PCBP3: variants seen among roughly 807,000 people sequenced by gnomAD.
The protein encoded by PCBP3 is poly(rC) binding protein 3.
Under a neutral mutation model 52.7 loss-of-function variants are expected in PCBP3, and 25 were observed. That is an observed-to-expected ratio of 0.47 (90% CI 0.35 to 0.66). The LOEUF (loss-of-function observed/expected upper bound fraction) is 0.66. PCBP3 is among the 30% of genes least tolerant of loss of function. The pLI, the probability that PCBP3 is intolerant of heterozygous loss-of-function variation, is 0.01. For missense variants in PCBP3, 391 were observed against 490.3 expected, an observed-to-expected ratio of 0.80 and a Z score of 1.91; for synonymous variants, 162 against 183.0, an observed-to-expected ratio of 0.89 and a Z score of 0.93.
intron 5 of PCBP3, among the ~76,000 whole-genome samples, chr21:45,850,565 T>C (rs1226094991): frequency 1.3e-5 from 2 of 152,318 alleles, no homozygotes; most frequent in Non-Finnish European, 1.5e-5. Flanking sequence ...TACCATGAAC[T>C]TCTGTTGATA....
At chr21:45,923,780 T>TCGAG (rs1569501757) in intron 13 of PCBP3, among the ~76,000 whole-genome samples, 1 of 151,884 alleles carries the variant, frequency 6.6e-6, no homozygotes, top group African/African-American at 2.4e-5. Context: ...CCTGGAACAG[T>TCGAG]TGAGTGGATA....
At chr21:45,650,304 C>T (rs554263638) in intron 1 of PCBP3, among the ~76,000 whole-genome samples, 1 of 152,302 alleles carries the variant, frequency 6.6e-6, no homozygotes, top group African/African-American at 2.4e-5. Flanking sequence ...TGCCTCTGCA[C>T]TCCAGCCTAA....
chr21:45,902,196 GCTGA>G (rs1052189406), intron 9 of PCBP3, among the ~76,000 whole-genome samples: 7 of 152,204 alleles, frequency 4.6e-5, no homozygotes, highest in African/African-American at 2.4e-5. Flanking sequence ...CATGAGGGAA[GCTGA>G]CTGCCCAGAG....
intron 13 of PCBP3, among the ~76,000 whole-genome samples, chr21:45,926,507 C>T (rs114319076): frequency 0.011 from 1,685 of 152,256 alleles, 37 homozygotes; most frequent in African/African-American, 0.038. Flanking sequence ...CTATGTCAAA[C>T]GGTGTGGTTT....
At chr21:45,744,046 A>G (rs1486506142) in intron 3 of PCBP3, among the ~76,000 whole-genome samples, 4 of 144,176 alleles carry the variant, frequency 2.8e-5, no homozygotes, top group Non-Finnish European at 6.1e-5. Context: ...TTATACACCA[A>G]TGGTTTTTTG....
At chr21:45,820,115 C>T (rs766034547) in intron 4 of PCBP3, among the ~76,000 whole-genome samples, 2 of 152,258 alleles carry the variant, frequency 1.3e-5, no homozygotes, top group Non-Finnish European at 2.9e-5. Context: ...CCAGCTCAGA[C>T]CTCATCTCCT....
intron 5 of PCBP3, among the ~76,000 whole-genome samples, chr21:45,868,554 G>A (rs1054733796): frequency 2.0e-5 from 3 of 151,916 alleles, no homozygotes; most frequent in South Asian, 2.1e-4. Flanking sequence ...TCTGGCCCGC[G>A]CATTGAGGAA....
At chr21:45,897,851 A>G (rs113167383) in intron 6 of PCBP3, among the ~76,000 whole-genome samples, 1 of 152,036 alleles carries the variant, frequency 6.6e-6, no homozygotes, top group East Asian at 1.9e-4. Flanking sequence ...TCAGCTCCCT[A>G]TATGGAACCC....
At chr21:45,885,496 T>C (rs2095496678) in intron 5 of PCBP3, among the ~76,000 whole-genome samples, 1 of 152,164 alleles carries the variant, frequency 6.6e-6, no homozygotes, top group East Asian at 1.9e-4. Flanking sequence ...CCCTTTGTTC[T>C]CTTTTTCTGG....
chr21:45,926,544 G>A (rs558617124), intron 13 of PCBP3, among the ~76,000 whole-genome samples: 5 of 152,266 alleles, frequency 3.3e-5, no homozygotes, highest in Non-Finnish European at 5.9e-5. Context: ...AAGTAGACTG[G>A]ATCAGACATG....
intron 4 of PCBP3, among the ~76,000 whole-genome samples, chr21:45,768,931 CA>C (rs1474158055): frequency 6.6e-6 from 1 of 152,232 alleles, no homozygotes; most frequent in Non-Finnish European, 1.5e-5. Flanking sequence ...CTCCAAGGCG[CA>C]ATCAGGGCAT....
At chr21:45,758,445 G>A (rs2088290295) in intron 4 of PCBP3, among the ~76,000 whole-genome samples, 1 of 152,164 alleles carries the variant, frequency 6.6e-6, no homozygotes, top group Non-Finnish European at 1.5e-5. Context: ...AGGAACATGA[G>A]ATGGCTTTGT....
At chr21:45,835,156 A>ACTC (rs998349872) in intron 4 of PCBP3, among the ~76,000 whole-genome samples, 3 of 152,156 alleles carry the variant, frequency 2.0e-5, no homozygotes, top group African/African-American at 7.2e-5. Context: ...CTGAGGTGAG[A>ACTC]GCCAGATGAG....
chr21:45,736,314 C>A lies in PCBP3; in HGVS notation c.-162+885C>A, dbSNP rs924216381. Among the ~76,000 whole-genome samples, 10 of 152,166 alleles carry A rather than the reference C, an allele frequency of 6.6e-5. No individual in the cohort carries two copies. The highest frequency in any genetic ancestry group is 2.4e-4 in the African/African-American group (10 of 41,436). ...GCCAGTGGTGGGGCTGGGATTTGAG[C>A]CAAGTCTTCCAACTTCACAATAGCA... On this transcript the variant is annotated intron_variant, in intron 3 of 17. Transcript: ENST00000681687. This position sits in a 1 kb window ranked among gnomAD's most constrained non-coding sequence, Gnocchi z 4.6.
At chr21:45,678,011 A>G (rs796794963) in intron 2 of PCBP3, among the ~76,000 whole-genome samples, 18 of 152,338 alleles carry the variant, frequency 1.2e-4, no homozygotes, top group African/African-American at 4.1e-4. Flanking sequence ...CCATGGGTCA[A>G]GGAGTAATTT....
chr21:45,901,619 C>T (rs1026567960), intron 9 of PCBP3: 2 of 169,088 alleles, frequency 1.2e-5, no homozygotes, highest in East Asian at 1.5e-4. Context: ...AGAGGCCATC[C>T]GTGATAGTGG....
intron 5 of PCBP3, among the ~76,000 whole-genome samples, chr21:45,865,052 G>A (rs1168218616): frequency 6.6e-6 from 1 of 152,182 alleles, no homozygotes; most frequent in Non-Finnish European, 1.5e-5. Context: ...CCAATCTTGA[G>A]GAAAGGGAAT....
rs1013580905 is a variant in PCBP3, at chr21:45,827,800, T to A, written c.-125-22161T>A. 6.6e-6 allele frequency among the ~76,000 whole-genome samples: 1 copy of A among 151,808 alleles called. No individual in the cohort carries two copies. On this transcript the variant is annotated intron_variant, in intron 4 of 17. Transcript: ENST00000681687. The surrounding 1 kb of genome is among the most constrained non-coding windows in gnomAD (Gnocchi z 4.3). ...GTTTAAAATGAAAGAGATGGAGGAG[T>A]TGCCAGATTCATACCAACAGGAGAA...
chr21:45,753,881 T>G (rs1399686098), intron 3 of PCBP3, among the ~76,000 whole-genome samples: 1 of 152,194 alleles, frequency 6.6e-6, no homozygotes, highest in East Asian at 1.9e-4. Context: ...TGCAGCTTTC[T>G]CCATCATTTT....
Sources: gnomAD v4.1 joint callset for allele counts (sites outside exome capture counted in the v4.1 genomes callset) on GRCh38, gnomAD v4.1.1 for gene constraint, Gnocchi (gnomAD v3.1) non-coding constraint, MANE v1.5 for transcripts, NCBI Gene and HGNC (gene_info 2026-07-23, HGNC 2026-07-21) for gene names.